LIMS1: variants seen among roughly 807,000 people sequenced by gnomAD.
The protein encoded by LIMS1 is LIM and senescent cell antigen-like-containing domain protein 1.
Under a neutral mutation model 44.1 loss-of-function variants are expected in LIMS1, and 18 were observed. The observed-to-expected ratio is 0.41, with a 90% CI of 0.28 to 0.61. The LOEUF is 0.61. Ranked by LOEUF, LIMS1 falls within the 20% of genes least tolerant of loss-of-function variation. The pLI is 0.32. For missense variants in LIMS1, 201 were observed against 422.0 expected, an observed-to-expected ratio of 0.48 and a Z score of 4.59; for synonymous variants, 93 against 149.1, an observed-to-expected ratio of 0.62 and a Z score of 2.74.
In LIMS1 at chr2:108,558,675, A is replaced by ATT. The variant is rs5833291; in HGVS notation, c.32+24093_32+24094dup. 1.8e-3 allele frequency among the ~76,000 whole-genome samples: 256 copies of ATT among 143,442 alleles called. 5 individuals are homozygous for ATT. Among genetic ancestry groups the ATT allele is most frequent in the East Asian group, 0.016 (77 of 4,944 alleles). 94.1% of individuals were successfully genotyped at this position (143,442 alleles called of 152,430 possible). ...GAATATATTTATTTATTTATTTTTA[A>ATT]TTTTTTTTTTTTTGAGATGGAGTCT... On this transcript the variant is annotated intron_variant, in intron 1 of 9. Transcript: ENST00000544547.
intron 1 of LIMS1, among the ~76,000 whole-genome samples, chr2:108,543,392 T>C (rs1436277336): frequency 6.6e-6 from 1 of 152,214 alleles, no homozygotes; most frequent in Non-Finnish European, 1.5e-5. Context: ...AGTGAAATAG[T>C]AAAAGCTAAA....
At chr2:108,680,641 G>C in intron 8 of LIMS1, 54 bp from the exon 9 acceptor site, 1 of 1,606,526 alleles carries the variant, frequency 6.2e-7, no homozygotes, top group Non-Finnish European at 8.5e-7. Context: ...AAGCTGCCCT[G>C]CTCCCCATAC....
At chr2:108,620,039 T>C (rs1324980084) in intron 1 of LIMS1, among the ~76,000 whole-genome samples, 3 of 152,192 alleles carry the variant, frequency 2.0e-5, no homozygotes, top group African/African-American at 7.2e-5. Flanking sequence ...TTTAAAAACA[T>C]ATGCTGTGTT....
intron 1 of LIMS1, among the ~76,000 whole-genome samples, chr2:108,593,296 T>C (rs752116271): frequency 2.0e-5 from 3 of 152,192 alleles, no homozygotes; most frequent in Non-Finnish European, 2.9e-5. Context: ...ACTTCTACTG[T>C]GAAAAAAGCC....
At chr2:108,538,658 CAT>C (rs1242144194) in intron 1 of LIMS1, among the ~76,000 whole-genome samples, 2 of 152,168 alleles carry the variant, frequency 1.3e-5, no homozygotes, top group African/African-American at 4.8e-5. Context: ...AAAATGGAAT[CAT>C]AGTCATACTA....
chr2:108,687,146 G>T (rs2149033616), exon 10 of LIMS1: 1 of 152,262 alleles, frequency 6.6e-6, no homozygotes. Flanking sequence ...TAGATTGTAA[G>T]CTCAATGGCA....
chr2:108,671,508 T>G (rs1692161192), intron 3 of LIMS1, among the ~76,000 whole-genome samples: 1 of 152,176 alleles, frequency 6.6e-6, no homozygotes, highest in Non-Finnish European at 1.5e-5. Context: ...CTTCAGAAGC[T>G]TAGGGATGCT....
At chr2:108,670,936 G>A (rs1457100145) in intron 3 of LIMS1, 89 bp downstream of exon 3, 19 of 980,790 alleles carry the variant, frequency 1.9e-5, no homozygotes, top group East Asian at 1.7e-4. Context: ...TTTGGGAGGC[G>A]GAGGGAGGAG....
intron 1 of LIMS1, among the ~76,000 whole-genome samples, chr2:108,636,040 A>G (rs1179095206): frequency 6.6e-6 from 1 of 152,194 alleles, no homozygotes; most frequent in African/African-American, 2.4e-5. Context: ...TAACTCTAAC[A>G]AGGTTTTGGA....
exon 10 of LIMS1, chr2:108,685,751 T>A (rs373319648): frequency 6.6e-6 from 1 of 152,206 alleles, no homozygotes; most frequent in African/African-American, 2.4e-5. Context: ...TCAGCTAATA[T>A]GTGACCAGCA....
At chr2:108,611,027 C>T (rs141292098) in intron 1 of LIMS1, among the ~76,000 whole-genome samples, 363 of 152,118 alleles carry the variant, frequency 2.4e-3, no homozygotes, top group South Asian at 4.0e-3. Flanking sequence ...TGTGTTTAGC[C>T]GTGGTTGAAT....
intron 1 of LIMS1, among the ~76,000 whole-genome samples, chr2:108,580,600 T>C (rs1048511451): frequency 1.3e-5 from 2 of 151,880 alleles, no homozygotes; most frequent in Admixed American, 6.6e-5. Context: ...ACATAGGAGG[T>C]GATGGTGCCA....
rs187528751 is a variant in LIMS1 at position 108,663,304 on chromosome 2, C to T, written c.192+3540C>T. 1.1e-3 allele frequency among the ~76,000 whole-genome samples: 162 copies of T among 152,048 alleles called. 2 individuals carry two copies. The East Asian group carries it at 0.03, about 28-fold the overall frequency. On this transcript the variant is annotated intron_variant, in intron 2 of 9. Transcript: ENST00000544547. ...CAGATAATTAAAAAAATTTTTTTTG[C>T]AGAAACAGGGTCTTGCCCTGTTGCC...
At chr2:108,601,532 T>C (rs564079813) in intron 1 of LIMS1, among the ~76,000 whole-genome samples, 1 of 152,366 alleles carries the variant, frequency 6.6e-6, no homozygotes, top group Middle Eastern at 3.4e-3. Flanking sequence ...TAAGAATAGA[T>C]TGAAATAGAG....
intron 2 of LIMS1, 59 bp from the exon 3 acceptor site, chr2:108,670,722 A>G: frequency 6.2e-7 from 1 of 1,608,550 alleles, no homozygotes. Context: ...TTCATCAAAT[A>G]ATTATATTTC....
chr2:108,589,512 C>T (rs1198669449), intron 1 of LIMS1, among the ~76,000 whole-genome samples: 3 of 152,068 alleles, frequency 2.0e-5, no homozygotes, highest in Non-Finnish European at 4.4e-5. Context: ...TTTTCATTTA[C>T]TTCTGTTCTG....
At chr2:108,592,021 C>T (rs980642921) in intron 1 of LIMS1, among the ~76,000 whole-genome samples, 6 of 152,116 alleles carry the variant, frequency 3.9e-5, no homozygotes, top group Non-Finnish European at 8.8e-5. Flanking sequence ...TCTCGAACTC[C>T]TGACCTCAGG....
chr2:108,601,278 A>G (rs538753056), intron 1 of LIMS1, among the ~76,000 whole-genome samples: 1 of 152,208 alleles, frequency 6.6e-6, no homozygotes, highest in East Asian at 1.9e-4. Context: ...CACTCACCAA[A>G]CTATGGAGGA....
intron 1 of LIMS1, among the ~76,000 whole-genome samples, chr2:108,626,390 T>C (rs1688577376): frequency 6.6e-6 from 1 of 152,194 alleles, no homozygotes; most frequent in South Asian, 2.1e-4. Flanking sequence ...ATTTTTCTCT[T>C]TGCTATAGGA....
Sources: allele counts gnomAD v4.1 joint callset (sites outside exome capture counted in the v4.1 genomes callset), GRCh38; gene constraint gnomAD v4.1.1; transcripts MANE v1.5; gene names NCBI Gene and HGNC (gene_info 2026-07-23, HGNC 2026-07-21).